The following CDH12 variants were observed in gnomAD, a reference collection of about 807,000 sequenced individuals.
The protein encoded by CDH12 is cadherin 12, also known as cadherin-12.
CDH12 carries 41 observed loss-of-function variants against 74.1 expected under a neutral mutation model. The ratio of observed to expected loss-of-function variants is 0.55; its 90% confidence interval spans 0.43 to 0.72. The LOEUF is 0.72. Ranked by LOEUF, CDH12 falls within the 30% of genes least tolerant of loss-of-function variation. The probability of loss-of-function intolerance (pLI) is 0.00; values close to 1 mark genes in which losing one functional copy is unlikely to be tolerated. For synonymous variants in CDH12, 399 were observed against 355.0 expected (o/e 1.12, Z -1.39); for missense variants, 945 against 977.2 (o/e 0.97, Z 0.44).
At chr5:22,661,665 A>G (rs917978969) in intron 1 of CDH12, among the ~76,000 whole-genome samples, 1 of 152,120 alleles carries the variant, frequency 6.6e-6, no homozygotes, top group African/African-American at 2.4e-5. Flanking sequence ...CTAGTCATCA[A>G]TTTAAGATTG....
At chr5:22,457,149 T>G (rs988063738) in intron 2 of CDH12, among the ~76,000 whole-genome samples, 1 of 152,110 alleles carries the variant, frequency 6.6e-6, no homozygotes, top group Non-Finnish European at 1.5e-5. Context: ...GCCAAACAAG[T>G]GCCCCAATAA....
chr5:22,653,882 G>A (rs1014669710), intron 1 of CDH12, among the ~76,000 whole-genome samples: 40 of 152,116 alleles, frequency 2.6e-4, no homozygotes, highest in Admixed American at 1.9e-3. Flanking sequence ...TCAAGTCTCC[G>A]AGCTTATCCC....
rs375039917 is a variant in CDH12 at position 21,863,351 on chromosome 5, CAG to C, written c.527-8563_527-8562del. 1.3e-4 allele frequency among the ~76,000 whole-genome samples: 20 copies of C among 152,230 alleles called. No individual in the cohort carries two copies. The East Asian group carries it at 1.9e-3, about 15-fold the overall frequency. On this transcript the variant is annotated intron_variant, in intron 6 of 14. Coordinates refer to ENST00000382254, the MANE Select transcript of CDH12 (RefSeq NM_004061.5). ...GAACTCTTTCATTTCTGATCTCAAA[CAG>C]AGATAATTTGTTCACTCCTCTATAA...
intron 5 of CDH12, among the ~76,000 whole-genome samples, chr5:22,070,100 CT>C (rs1741843976): frequency 6.6e-6 from 1 of 151,962 alleles, no homozygotes; most frequent in Non-Finnish European, 1.5e-5. Context: ...TATTTAATAT[CT>C]TTTTTCTTCC....
intron 5 of CDH12, among the ~76,000 whole-genome samples, chr5:22,034,112 C>T (rs1739013783): frequency 6.6e-6 from 1 of 152,084 alleles, no homozygotes; most frequent in Non-Finnish European, 1.5e-5. Flanking sequence ...GGTGCTATCT[C>T]GGCTCACTGC....
intron 4 of CDH12, among the ~76,000 whole-genome samples, chr5:22,150,284 A>G (rs952603003): frequency 1.4e-4 from 22 of 151,968 alleles, no homozygotes; most frequent in African/African-American, 5.3e-4. Context: ...GTGAGTTAAT[A>G]TTTGCTACAT....
chr5:21,836,048 A>G (rs904667864), intron 8 of CDH12, among the ~76,000 whole-genome samples: 7 of 151,806 alleles, frequency 4.6e-5, no homozygotes, highest in African/African-American at 1.7e-4. Context: ...AGCTGACGTA[A>G]ACAAAGACAA....
At chr5:22,829,056 T>A (rs1736464340) in intron 1 of CDH12, among the ~76,000 whole-genome samples, 1 of 152,198 alleles carries the variant, frequency 6.6e-6, no homozygotes, top group Admixed American at 6.5e-5. Flanking sequence ...TGATTCTCAT[T>A]ATTGAATAAA....
At chr5:22,550,400 T>C (rs751212565) in intron 1 of CDH12, among the ~76,000 whole-genome samples, 4 of 152,196 alleles carry the variant, frequency 2.6e-5, no homozygotes, top group Non-Finnish European at 5.9e-5. Context: ...TCAGAAACCC[T>C]ATTTTCCCAC....
At chr5:21,957,492 C>A (rs1275947119) in intron 6 of CDH12, among the ~76,000 whole-genome samples, 1 of 152,152 alleles carries the variant, frequency 6.6e-6, no homozygotes, top group Non-Finnish European at 1.5e-5. Context: ...AATTGCCATG[C>A]TGCTTTCCAC....
At chr5:21,909,830 T>G (rs1753790542) in intron 6 of CDH12, among the ~76,000 whole-genome samples, 2 of 152,290 alleles carry the variant, frequency 1.3e-5, no homozygotes, top group South Asian at 2.1e-4. Flanking sequence ...GTCCTGATAT[T>G]TTTGCATTTT....
chr5:22,613,822 T>G (rs1412934983), intron 1 of CDH12, among the ~76,000 whole-genome samples: 1 of 152,110 alleles, frequency 6.6e-6, no homozygotes, highest in Non-Finnish European at 1.5e-5. Flanking sequence ...GGGAATCATG[T>G]GTATCACGTT....
intron 1 of CDH12, among the ~76,000 whole-genome samples, chr5:22,777,840 G>C (rs1257167028): frequency 6.6e-6 from 1 of 151,976 alleles, no homozygotes; most frequent in Non-Finnish European, 1.5e-5. Context: ...TTGAGATGGA[G>C]TCTCGCTCTA....
At chr5:21,924,110 A>G (rs563187731) in intron 6 of CDH12, among the ~76,000 whole-genome samples, 9 of 152,202 alleles carry the variant, frequency 5.9e-5, no homozygotes, top group Non-Finnish European at 1.0e-4. Context: ...TGCTGACTCA[A>G]ACTTGGAAAT....
At chr5:21,968,030 G>T (rs924749073) in intron 6 of CDH12, among the ~76,000 whole-genome samples, 1 of 152,182 alleles carries the variant, frequency 6.6e-6, no homozygotes, top group Non-Finnish European at 1.5e-5. Context: ...TGTAAATTGG[G>T]ATAGAAGGTC....
intron 5 of CDH12, among the ~76,000 whole-genome samples, chr5:22,057,734 A>G (rs779549475): frequency 3.9e-5 from 6 of 152,174 alleles, no homozygotes; most frequent in Non-Finnish European, 8.8e-5. Flanking sequence ...AAAGTCAGAT[A>G]TTTATAATCA....
chr5:22,593,643 T>A (rs1736459907), intron 1 of CDH12, among the ~76,000 whole-genome samples: 1 of 152,156 alleles, frequency 6.6e-6, no homozygotes, highest in Non-Finnish European at 1.5e-5. Context: ...TGGTTGAAAA[T>A]GGTCAAAACC....
chr5:21,936,994 T>C (rs374717773), intron 6 of CDH12, among the ~76,000 whole-genome samples: 339 of 152,314 alleles, frequency 2.2e-3, no homozygotes, highest in Non-Finnish European at 3.6e-3. Flanking sequence ...CATTCTCAGG[T>C]AGTATCTTTA....
chr5:22,710,259 G>A (rs960117001), intron 1 of CDH12, among the ~76,000 whole-genome samples: 2 of 152,108 alleles, frequency 1.3e-5, no homozygotes, highest in African/African-American at 4.8e-5. Context: ...AACTTTATAT[G>A]TTTCATAGTT....
Sources: allele counts gnomAD v4.1 joint callset (sites outside exome capture counted in the v4.1 genomes callset), GRCh38; gene constraint gnomAD v4.1.1; transcripts MANE v1.5; gene names NCBI Gene and HGNC (gene_info 2026-07-23, HGNC 2026-07-21).